The following MELTF variants were observed in gnomAD, a reference collection of about 807,000 sequenced individuals.
MELTF encodes antigen p97 (melanoma associated) identified by monoclonal antibodies 133.2 and 96.5.
A neutral mutation model predicts 83.7 loss-of-function variants in MELTF; 67 were observed. The observed-to-expected ratio is 0.80, with a 90% CI of 0.66 to 0.98. The LOEUF is 0.98. MELTF is among the 50% of genes least tolerant of loss of function. The pLI is 0.00. For synonymous variants in MELTF, 462 were observed against 447.6 expected (o/e 1.03, Z -0.41); for missense variants, 1,002 against 1,035.6 (o/e 0.97, Z 0.44).
At chr3:197,023,174 C>T (rs1007200658) in intron 4 of MELTF, 61 bp from the exon 5 acceptor site, 4 of 1,576,328 alleles carry the variant, frequency 2.5e-6, no homozygotes, top group Non-Finnish European at 3.5e-6. Flanking sequence ...AGCCAAGCCC[C>T]CAGGGTCAGC....
In MELTF at chr3:197,008,424, G is replaced by A. The variant is rs956667627; in HGVS notation, c.1750+233C>T. On this transcript the variant is annotated intron_variant, in intron 13 of 15. Coordinates refer to ENST00000296350, the MANE Select transcript of MELTF (RefSeq NM_005929.6). This position sits in a 1 kb window ranked among gnomAD's most constrained non-coding sequence, Gnocchi z 5.4. Reference sequence around the variant, plus strand: ...TACCGTTTCGGTGGATTAGGGACTTGAATTCCAGGCCAGTAAAAACCGTCA... The same window carrying A: ...TACCGTTTCGGTGGATTAGGGACTTAAATTCCAGGCCAGTAAAAACCGTCA... 2.0e-5 allele frequency among the ~76,000 whole-genome samples: 3 copies of A among 152,186 alleles called. No homozygotes were observed. Among genetic ancestry groups the A allele is most frequent in the African/African-American group, 4.8e-5 (2 of 41,436 alleles).
chr3:197,004,416 GGGA>G, intron 14 of MELTF: 6 of 421,544 alleles, frequency 1.4e-5, no homozygotes, highest in South Asian at 4.6e-5. Context: ...TGGTGTGGGT[GGGA>G]TTCCTGAGCG....
chr3:197,009,850 T>G lies in MELTF; in HGVS notation c.1331-38A>C, dbSNP rs1254936097. ...GGACTCACGTGAGGGGCCCCTCATC[T>G]GAGAGCCCGGGCAAGTGCCTGGGGG... On this transcript the variant is annotated intron_variant, in intron 10 of 15. Coordinates refer to ENST00000296350, the MANE Select transcript of MELTF (RefSeq NM_005929.6). 2.5e-6 allele frequency: 4 copies of G among 1,582,370 alleles called. No homozygotes were observed. In the African/African-American group the frequency reaches 5.4e-5, roughly 21 times the overall value.
In MELTF at chr3:197,001,950, C is replaced by G. The variant is rs966091605; in HGVS notation, c.*1422G>C. The stretch of plus-strand genomic sequence containing the variant: ...AGCCACACAGAAACACACTTCTCAC[C>G]GCACAAAACTCCCTTTTGAAAAAAC... On this transcript the variant is annotated 3_prime_UTR_variant, in exon 16 of 16. Transcript: ENST00000296350. 4 of 152,272 alleles carry G rather than the reference C, an allele frequency of 2.6e-5. No homozygotes were observed. The highest frequency in any genetic ancestry group is 6.5e-5 in the Admixed American group (1 of 15,286). 9.4% of individuals were successfully genotyped at this position (152,272 alleles called of 1,614,324 possible).
At position 197,008,108 on chromosome 3, in the gene MELTF, G is replaced by A. The variant is rs1719043749; in HGVS notation, c.1750+549C>T. 6.6e-6 allele frequency among the ~76,000 whole-genome samples: 1 copy of A among 152,194 alleles called. No homozygotes were observed. Among genetic ancestry groups the A allele is most frequent in the East Asian group, 1.9e-4 (1 of 5,194 alleles). On this transcript the variant is annotated intron_variant, in intron 13 of 15. Coordinates refer to ENST00000296350, the MANE Select transcript of MELTF (RefSeq NM_005929.6). The surrounding 1 kb of genome is among the most constrained non-coding windows in gnomAD (Gnocchi z 5.4). Reference sequence around the variant, plus strand: ...CTCTGATAGGACCATGTATGTACTGGGGTCCCGGAGCAGAGCGTTCCTGAG... The same window carrying A: ...CTCTGATAGGACCATGTATGTACTGAGGTCCCGGAGCAGAGCGTTCCTGAG...
In MELTF at chr3:197,006,880, C is replaced by T. The variant is rs1452665844; in HGVS notation, c.1751-144G>A. 10 of 708,104 alleles carry T rather than the reference C, an allele frequency of 1.4e-5. No homozygotes were observed. The highest frequency in any genetic ancestry group is 3.7e-5 in the African/African-American group (2 of 53,430). The allele number at this position is 708,104 out of a possible 1,614,324, so 43.9% of individuals were successfully genotyped here. Reference sequence around the variant, plus strand: ...GCTCCCCAACCCTCTCCATTCTCCACGTGCTCTGCTGTGTTACCGGGGTGA... The same window carrying T: ...GCTCCCCAACCCTCTCCATTCTCCATGTGCTCTGCTGTGTTACCGGGGTGA... On this transcript the variant is annotated intron_variant, in intron 13 of 15. Coordinates refer to ENST00000296350, the MANE Select transcript of MELTF (RefSeq NM_005929.6). The surrounding 1 kb of genome is among the most constrained non-coding windows in gnomAD (Gnocchi z 5.4).
In MELTF at chr3:197,011,809, GA is replaced by G; in HGVS notation, c.1234-1016del. Among the ~76,000 whole-genome samples, 2 of 152,254 alleles carry G rather than the reference GA, an allele frequency of 1.3e-5. No individual in the cohort carries two copies. Among genetic ancestry groups the G allele is most frequent in the East Asian group, 1.9e-4 (1 of 5,168 alleles). On this transcript the variant is annotated intron_variant, in intron 9 of 15. Transcript: ENST00000296350. The surrounding 1 kb of genome is among the most constrained non-coding windows in gnomAD (Gnocchi z 4.2). Reference sequence around the variant, plus strand: ...TCTGAGAACCTCAGAAGCTAGAACTGAGGGTCTTTGAGCCCTTTGCTGGGGT... The same window carrying G: ...TCTGAGAACCTCAGAAGCTAGAACTGGGGTCTTTGAGCCCTTTGCTGGGGT...
Position 197,006,700 on chromosome 3 carries a change from G to A in MELTF, c.1787C>T (p.Ser596Leu). 1 of 1,568,302 alleles carries A rather than the reference G, an allele frequency of 6.4e-7. No homozygotes were observed. The highest frequency in any genetic ancestry group is 1.4e-5 in the African/African-American group (1 of 73,534). ...NSEPWAAELR[S>L]EDYELLCPNG... is the part of the protein sequence containing the mutation. ...GGGGCACAGCAGTTCATAGTCCTCTGACCTGAGCTCAGCAGCCCAGGGCTC... is the reference window on the plus strand; with the variant it reads ...GGGGCACAGCAGTTCATAGTCCTCTAACCTGAGCTCAGCAGCCCAGGGCTC... Residue 596 changes from serine (S) to leucine (L), a missense_variant, in exon 14 of 16, where the codon TCA becomes TTA. Coordinates refer to ENST00000296350, the MANE Select transcript of MELTF (RefSeq NM_005929.6). This position sits in a 1 kb window ranked among gnomAD's most constrained non-coding sequence, Gnocchi z 5.4.
chr3:197,014,350 T>C (rs933475538), intron 9 of MELTF, among the ~76,000 whole-genome samples: 3 of 147,642 alleles, frequency 2.0e-5, no homozygotes, highest in African/African-American at 7.6e-5. Context: ...TGCTGCAGAC[T>C]GGGAAGGGTA....
chr3:197,010,823 C>T (rs1269811865), intron 9 of MELTF, 29 bp from the exon 10 acceptor site: 7 of 1,605,564 alleles, frequency 4.4e-6, no homozygotes, highest in South Asian at 2.2e-5. Context: ...GCCACTGGGC[C>T]GGGGTGGGCC....
At position 197,022,569 on chromosome 3, in the gene MELTF, A is replaced by G. The variant is rs1719664474; in HGVS notation, c.644+388T>C. On this transcript the variant is annotated intron_variant, in intron 5 of 15. Transcript: ENST00000296350. This position sits in a 1 kb window ranked among gnomAD's most constrained non-coding sequence, Gnocchi z 5.1. ...AGTCTCCTGCATCCACGGAAGGGTTACCCAAGGTGCCAGCCGCAACCAGCA... is the reference window on the plus strand; with the variant it reads ...AGTCTCCTGCATCCACGGAAGGGTTGCCCAAGGTGCCAGCCGCAACCAGCA... Among the ~76,000 whole-genome samples the G allele has an allele frequency of 6.6e-6, 1 of 152,006 alleles. No homozygotes were observed. Among genetic ancestry groups the G allele is most frequent in the Non-Finnish European group, 1.5e-5 (1 of 67,998 alleles).
rs926521830 is a variant in MELTF, at chr3:197,026,859, C to T, written c.205-100G>A. The T allele has an allele frequency of 4.0e-5, 38 of 938,944 alleles. No individual in the cohort carries two copies. In the African/African-American group the frequency reaches 5.6e-4, roughly 14 times the overall value. 58.2% of individuals were successfully genotyped at this position (938,944 alleles called of 1,614,324 possible). On this transcript the variant is annotated intron_variant, in intron 2 of 15. Transcript: ENST00000296350. ...TGGCCTGGGGCCCCACCCCAAGCCC[C>T]AGAGGGCTGTGCTGTCCTTCTCATC...
In MELTF at chr3:197,003,591, T is replaced by G. The variant is rs988859985; in HGVS notation, c.2138-140A>C. 1.1e-5 allele frequency: 8 copies of G among 713,260 alleles called. No individual in the cohort carries two copies. Among genetic ancestry groups the G allele is most frequent in the Non-Finnish European group, 1.5e-5 (7 of 479,892 alleles). The allele number at this position is 713,260 out of a possible 1,614,324, so 44.2% of individuals were successfully genotyped here. A position where few individuals can be genotyped will look rare whatever the true frequency, so the allele number is the denominator to read the frequency against. On this transcript the variant is annotated intron_variant, in intron 15 of 15. Transcript: ENST00000296350. The surrounding 1 kb of genome is among the most constrained non-coding windows in gnomAD (Gnocchi z 6.2). ...CCCTCTTTGTGCTCCTTTCCCCTGC[T>G]GCCCTTCCAGATGCGCTCTTTCCAG...
chr3:197,016,381 G>A lies in MELTF; in HGVS notation c.901-12C>T. ...TGGCTGAACAGACGCTGTGTGTCAA[G>A]GGGTGTGGTACAGGGTGGTGAGGGT... On this transcript the variant is annotated splice_polypyrimidine_tract_variant and intron_variant, in intron 7 of 15. Transcript: ENST00000296350. The A allele has an allele frequency of 6.4e-7, 1 of 1,572,834 alleles. No homozygotes were observed. Among genetic ancestry groups the A allele is most frequent in the Non-Finnish European group, 8.6e-7 (1 of 1,159,056 alleles).
At position 197,007,647 on chromosome 3, in the gene MELTF, T is replaced by G. The variant is rs533737636; in HGVS notation, c.1751-911A>C. 3.9e-5 allele frequency among the ~76,000 whole-genome samples: 6 copies of G among 152,188 alleles called. No homozygotes were observed. In the East Asian group the frequency reaches 1.2e-3, roughly 29 times the overall value. On this transcript the variant is annotated intron_variant, in intron 13 of 15. Coordinates refer to ENST00000296350, the MANE Select transcript of MELTF (RefSeq NM_005929.6). This position sits in a 1 kb window ranked among gnomAD's most constrained non-coding sequence, Gnocchi z 4.3. ...GGGGGAGGGTTTCAGGTGTTCTTGG[T>G]AGGAGGCTGGGTGGGGGAGCTGGGC...
chr3:197,004,220 C>T, intron 14 of MELTF, 121 bp from the exon 15 acceptor site: 2 of 901,078 alleles, frequency 2.2e-6, no homozygotes, highest in South Asian at 2.9e-5. Flanking sequence ...CATTTCAGGG[C>T]CCCACCACTC....
At position 197,021,489 on chromosome 3, in the gene MELTF, T is replaced by C. The variant is rs761778683; in HGVS notation, c.645-18A>G. On this transcript the variant is annotated intron_variant, in intron 5 of 15. Transcript: ENST00000296350. Reference sequence around the variant, plus strand: ...CCAGGCACCTGCGGAGGAGAAGCTGTGGGTCTGGATGGGCTGAGCCCCTGC... The same window carrying C: ...CCAGGCACCTGCGGAGGAGAAGCTGCGGGTCTGGATGGGCTGAGCCCCTGC... The C allele has an allele frequency of 2.5e-6, 4 of 1,612,164 alleles. No individual in the cohort carries two copies. The South Asian group carries it at 3.3e-5, about 13-fold the overall frequency.
At position 197,024,478 on chromosome 3, in the gene MELTF, A is replaced by G. The variant is rs1378786754; in HGVS notation, c.312T>C (p.Gly104=). ...VVGEVYDQEV[G]TSYYAVAVVR... The stretch of plus-strand genomic sequence containing the variant: ...CCACAGCCACGGCGTAATAGGAGGT[A>G]CCGACCTCTAGGAGGGGAGGGGAGT... The change falls in exon 4 of 16, where the codon GGT becomes GGC. Residue 104 remains glycine, a synonymous_variant. Transcript: ENST00000296350. This position sits in a 1 kb window ranked among gnomAD's most constrained non-coding sequence, Gnocchi z 5.3. 11 of 1,579,452 alleles carry G rather than the reference A, an allele frequency of 7.0e-6. No homozygotes were observed. Among genetic ancestry groups the G allele is most frequent in the Non-Finnish European group, 8.7e-6 (10 of 1,155,870 alleles).
In MELTF at chr3:197,007,724, G is replaced by T. The variant is rs1331631509; in HGVS notation, c.1750+933C>A. Among the ~76,000 whole-genome samples the T allele has an allele frequency of 6.6e-6, 1 of 152,204 alleles. No individual in the cohort carries two copies. The highest frequency in any genetic ancestry group is 2.4e-5 in the African/African-American group (1 of 41,442). On this transcript the variant is annotated intron_variant, in intron 13 of 15. Coordinates refer to ENST00000296350, the MANE Select transcript of MELTF (RefSeq NM_005929.6). The surrounding 1 kb of genome is among the most constrained non-coding windows in gnomAD (Gnocchi z 4.3). ...TGGAGCCCTCCCTAGCTCTGCTGGG[G>T]CAAATGGTCCTACCGCCTTGGTGAC...
Sources: allele counts gnomAD v4.1 joint callset (sites outside exome capture counted in the v4.1 genomes callset), GRCh38; gene constraint gnomAD v4.1.1; non-coding constraint Gnocchi (gnomAD v3.1); transcripts MANE v1.5; gene names NCBI Gene and HGNC (gene_info 2026-07-23, HGNC 2026-07-21).